The following CRACR2A variants were observed in gnomAD, a reference collection of about 807,000 sequenced individuals.
CRACR2A encodes EF-hand calcium-binding domain-containing protein 4B.
In CRACR2A, 79 loss-of-function variants were observed where a neutral mutation model predicts 90.5. That is an observed-to-expected ratio of 0.87 (90% CI 0.73 to 1.05). The LOEUF is 1.05. CRACR2A is among the 50% of genes least tolerant of loss of function. The pLI, the probability that CRACR2A is intolerant of heterozygous loss-of-function variation, is 0.00. For missense variants in CRACR2A, 823 were observed against 897.2 expected (o/e 0.92, Z 1.06); for synonymous variants, 338 against 356.7 (o/e 0.95, Z 0.59).
chr12:3,716,687 T>C (rs893803463), intron 2 of CRACR2A, among the ~76,000 whole-genome samples: 4 of 152,234 alleles, frequency 2.6e-5, no homozygotes, highest in African/African-American at 9.6e-5. Context: ...TGGGGGGCAT[T>C]GTCCCCATGA....
intron 4 of CRACR2A, among the ~76,000 whole-genome samples, chr12:3,696,250 C>A (rs1244206615): frequency 2.0e-5 from 3 of 152,234 alleles, no homozygotes; most frequent in Non-Finnish European, 2.9e-5. Context: ...CCGGGCCCTG[C>A]ACTAGGCAAT....
At chr12:3,678,435 G>T (rs1427949082) in intron 6 of CRACR2A, among the ~76,000 whole-genome samples, 1 of 152,132 alleles carries the variant, frequency 6.6e-6, no homozygotes, top group Non-Finnish European at 1.5e-5. Context: ...ATGGGTTTTG[G>T]CCAGGAAGGC....
chr12:3,687,489 G>A (rs530244973), intron 4 of CRACR2A, among the ~76,000 whole-genome samples: 3 of 152,218 alleles, frequency 2.0e-5, no homozygotes, highest in Admixed American at 1.3e-4. Context: ...ATGGATAATG[G>A]CCTCCAGCTC....
At chr12:3,729,851 T>G (rs1288707847) in intron 2 of CRACR2A, 4 of 152,244 alleles carry the variant, frequency 2.6e-5, no homozygotes, top group Non-Finnish European at 5.9e-5. Context: ...TACTGTTTCC[T>G]TGTCTGGAAA....
intron 8 of CRACR2A, among the ~76,000 whole-genome samples, chr12:3,658,028 T>C (rs1944949047): frequency 6.6e-6 from 1 of 152,210 alleles, no homozygotes; most frequent in Admixed American, 6.5e-5. Context: ...AATGGCTTAA[T>C]AGTGCTGCAA....
chr12:3,688,904 T>G (rs537019211), intron 4 of CRACR2A, among the ~76,000 whole-genome samples: 266 of 152,222 alleles, frequency 1.7e-3, no homozygotes, highest in Non-Finnish European at 2.7e-3. Context: ...TCTTTCACCT[T>G]CCTGGTTAGC....
At chr12:3,696,354 G>T (rs1945740082) in intron 4 of CRACR2A, among the ~76,000 whole-genome samples, 2 of 152,346 alleles carry the variant, frequency 1.3e-5, no homozygotes, top group South Asian at 4.1e-4. Context: ...TGGGTAAAAT[G>T]ACCTCAGAAA....
chr12:3,706,535 G>A (rs1401757330), intron 3 of CRACR2A, among the ~76,000 whole-genome samples: 1 of 152,194 alleles, frequency 6.6e-6, no homozygotes, highest in African/African-American at 2.4e-5. Context: ...AGTTTCTTAA[G>A]CTCTCTGAAC....
At chr12:3,733,954 A>C (rs1238634654) in intron 1 of CRACR2A, among the ~76,000 whole-genome samples, 10 of 144,068 alleles carry the variant, frequency 6.9e-5, no homozygotes, top group South Asian at 2.2e-4. Flanking sequence ...CTTTTCCTAG[A>C]CTGGACACAT....
intron 1 of CRACR2A, among the ~76,000 whole-genome samples, chr12:3,737,202 G>A (rs901579672): frequency 4.6e-5 from 7 of 151,860 alleles, no homozygotes; most frequent in African/African-American, 1.7e-4. Flanking sequence ...GTGAATAGGA[G>A]CAACCCAAGG....
At chr12:3,666,004 C>T (rs1230625187) in intron 7 of CRACR2A, among the ~76,000 whole-genome samples, 1 of 152,062 alleles carries the variant, frequency 6.6e-6, no homozygotes, top group Non-Finnish European at 1.5e-5. Flanking sequence ...CCAAAAGAAC[C>T]CTCCTAGGTT....
chr12:3,615,486 C>T, intron 19 of CRACR2A, 47 bp from the exon 20 acceptor site: 1 of 1,491,960 alleles, frequency 6.7e-7, no homozygotes, highest in Non-Finnish European at 9.0e-7. Context: ...AGTTGATAGG[C>T]CCAGGGGCTG....
chr12:3,650,303 G>A (rs963787702), intron 10 of CRACR2A, among the ~76,000 whole-genome samples: 4 of 152,124 alleles, frequency 2.6e-5, no homozygotes, highest in Admixed American at 2.0e-4. Context: ...CCTTAAGCAC[G>A]ATGTTTCTTT....
rs575516461 is a variant in CRACR2A, at chr12:3,619,814, G to T, written c.1933-442C>A. On this transcript the variant is annotated intron_variant, in intron 17 of 19. Transcript: ENST00000440314. ...CATGAATGCCCCATGGTTTGGAGTT[G>T]TTCTGGAGGCTGCTTTGATTAGAAA... Among the ~76,000 whole-genome samples the T allele has an allele frequency of 2.6e-5, 4 of 152,376 alleles. No individual in the cohort carries two copies. The East Asian group carries it at 7.7e-4, about 29-fold the overall frequency.
chr12:3,748,173 C>T (rs1946653500), intron 1 of CRACR2A, among the ~76,000 whole-genome samples: 1 of 152,150 alleles, frequency 6.6e-6, no homozygotes, highest in Non-Finnish European at 1.5e-5. Context: ...GTTCTCAGGC[C>T]CAGCCTCACA....
chr12:3,654,158 T>C (rs1330492300), intron 10 of CRACR2A, 54 bp downstream of exon 10: 5 of 1,578,458 alleles, frequency 3.2e-6, no homozygotes, highest in East Asian at 4.5e-5. Context: ...GACATGCCCA[T>C]AGTGGGGAGT....
At chr12:3,652,581 C>A (rs1165770540) in intron 10 of CRACR2A, among the ~76,000 whole-genome samples, 1 of 152,126 alleles carries the variant, frequency 6.6e-6, no homozygotes, top group Non-Finnish European at 1.5e-5. Context: ...TAAGTCAAAC[C>A]AGCAGAGCAG....
intron 2 of CRACR2A, chr12:3,727,395 T>C: frequency 6.6e-6 from 1 of 152,214 alleles, no homozygotes; most frequent in African/African-American, 2.4e-5. Flanking sequence ...AAACAGCTTT[T>C]ATAAACAAGT....
At chr12:3,733,872 GACACACACACACACACACACACAC>G (rs56412036) in intron 1 of CRACR2A, among the ~76,000 whole-genome samples, 1 of 136,092 alleles carries the variant, frequency 7.3e-6, no homozygotes, top group African/African-American at 2.8e-5. Flanking sequence ...AAATTTTCAG[GACACACACACACACACACACACAC>G]ACACACACAC....
Sources: allele counts gnomAD v4.1 joint callset (sites outside exome capture counted in the v4.1 genomes callset), GRCh38; gene constraint gnomAD v4.1.1; transcripts MANE v1.5; gene names NCBI Gene and HGNC (gene_info 2026-07-23, HGNC 2026-07-21).